Variants in PRKRIP1 observed in about 807,000 individuals in gnomAD.
PRKRIP1 encodes PRKR-interacting protein 1.
A neutral mutation model predicts 29.3 loss-of-function variants in PRKRIP1; 29 were observed. The observed-to-expected ratio is 0.99, with a 90% CI of 0.74 to 1.35. The LOEUF (loss-of-function observed/expected upper bound fraction) is 1.35, where lower values mean the gene tolerates loss of function less well. Among genes scored for constraint, PRKRIP1 ranks in the 40% most tolerant of loss-of-function variants. The pLI is 0.00. For synonymous variants in PRKRIP1, 90 were observed against 85.1 expected (o/e 1.06, Z -0.32); for missense variants, 247 against 236.8 (o/e 1.04, Z -0.28).
chr7:102,417,238 T>C (rs1796577934), intron 5 of PRKRIP1, among the ~76,000 whole-genome samples: 1 of 152,070 alleles, frequency 6.6e-6, no homozygotes, highest in Non-Finnish European at 1.5e-5. Context: ...CTTGATCACA[T>C]GGCTGAGGTA....
Position 102,404,631 on chromosome 7 carries a change from G to A in PRKRIP1, c.340G>A (p.Glu114Lys), listed in dbSNP as rs79339832. Reference protein sequence around the residue: ...KLDAEFQKRLEKNKIAAEEQT... With the variant: ...KLDAEFQKRLKKNKIAAEEQT... ...GGATGCAGAGTTTCAGAAAAGACTG[G>A]AAAAGAATAAAATTGCTGCAGAGGA... is the stretch of plus-strand genomic sequence containing the variant. Residue 114 changes from glutamate to lysine, a missense_variant, in exon 4 of 6, where the codon GAA (glutamate) becomes AAA (lysine). Physicochemically the swap from Glu to Lys is moderately conservative, Grantham distance 56 (BLOSUM62 1). Transcript: ENST00000397912. 2.1e-3 allele frequency: 3,451 copies of A among 1,613,902 alleles called. 80 individuals are homozygous for A. In the African/African-American group the frequency reaches 0.042, roughly 20 times the overall value.
intron 3 of PRKRIP1, among the ~76,000 whole-genome samples, chr7:102,402,159 C>T (rs1796090686): frequency 6.6e-6 from 1 of 152,094 alleles, no homozygotes; most frequent in African/African-American, 2.4e-5. Flanking sequence ...TAGAAACCAT[C>T]AAGCTGGGTG....
chr7:102,404,649 G>T lies in PRKRIP1; in HGVS notation c.358G>T (p.Ala120Ser), dbSNP rs782548009. ...QKRLEKNKIAAEEQTAKRRKK... is the reference protein window; with the variant it reads ...QKRLEKNKIASEEQTAKRRKK... ...AAGACTGGAAAAGAATAAAATTGCT[G>T]CAGAGGAGCAGACCGCAAAGCGCCG... is the stretch of plus-strand genomic sequence containing the variant. Residue 120 changes from alanine (A) to serine (S), a missense_variant, in exon 4 of 6, where the codon GCA becomes TCA. By Grantham distance (99) the Ala-to-Ser change is moderately conservative. Around this residue, in one of 3 missense-constraint regions of PRKRIP1, gnomAD observed 134 missense variants for 126.6 expected, o/e 1.06. Transcript: ENST00000397912. 6.2e-7 allele frequency: 1 copy of T among 1,613,892 alleles called. No individual in the cohort carries two copies. The highest frequency in any genetic ancestry group is 8.5e-7 in the Non-Finnish European group (1 of 1,179,882).
At chr7:102,401,089 G>A (rs559876607) in intron 3 of PRKRIP1, among the ~76,000 whole-genome samples, 140 of 152,300 alleles carry the variant, frequency 9.2e-4, no homozygotes, top group Non-Finnish European at 1.7e-3. Flanking sequence ...TGATGAATTA[G>A]TGGAGGAATA....
intron 5 of PRKRIP1, among the ~76,000 whole-genome samples, chr7:102,416,442 A>G (rs1796551121): frequency 6.6e-6 from 1 of 152,150 alleles, no homozygotes; most frequent in Non-Finnish European, 1.5e-5. Context: ...AATCCAATCC[A>G]GGGCACCGCG....
At chr7:102,407,766 T>C (rs1796272184) in intron 5 of PRKRIP1, among the ~76,000 whole-genome samples, 1 of 152,144 alleles carries the variant, frequency 6.6e-6, no homozygotes, top group Non-Finnish European at 1.5e-5. Flanking sequence ...ACATTATTGG[T>C]TATTGACATC....
rs116193108 is a variant in PRKRIP1 at position 102,419,733 on chromosome 7, G to A, written c.458-5281G>A. On this transcript the variant is annotated intron_variant, in intron 5 of 5. Coordinates refer to ENST00000397912, the MANE Select transcript of PRKRIP1 (RefSeq NM_024653.4). ...TCCTTTTGCCAAGTAGTTTTCCACC[G>A]TCAAGATAGACCACCGTTTACCCAC... is the stretch of plus-strand genomic sequence containing the variant. Among the ~76,000 whole-genome samples, 758 of 152,198 alleles carry A rather than the reference G, an allele frequency of 5.0e-3. 7 individuals carry two copies. Among genetic ancestry groups the A allele is most frequent in the African/African-American group, 0.014 (574 of 41,512 alleles).
At chr7:102,400,015 A>C (rs10250686) in intron 3 of PRKRIP1, among the ~76,000 whole-genome samples, 1 of 151,262 alleles carries the variant, frequency 6.6e-6, no homozygotes, top group African/African-American at 2.4e-5. Context: ...AAAAAAAAAA[A>C]AGAGAGAAAA....
At chr7:102,415,552 A>T (rs1427365648) in intron 5 of PRKRIP1, among the ~76,000 whole-genome samples, 1 of 152,194 alleles carries the variant, frequency 6.6e-6, no homozygotes, top group African/African-American at 2.4e-5. Context: ...CTATTTTATA[A>T]AATGTACATT....
intron 2 of PRKRIP1, 92 bp from the exon 3 acceptor site, chr7:102,399,449 CACGACTT>C: frequency 1.1e-6 from 1 of 916,458 alleles, no homozygotes; most frequent in Non-Finnish European, 1.8e-6. Context: ...TGGTCCCTTC[CACGACTT>C]CCACTTTTTG....
chr7:102,414,072 C>T (rs1796468485), intron 5 of PRKRIP1, among the ~76,000 whole-genome samples: 1 of 152,030 alleles, frequency 6.6e-6, no homozygotes, highest in Admixed American at 6.6e-5. Flanking sequence ...TACTAAAATA[C>T]AAAAATAAGC....
At chr7:102,406,414 G>A (rs191251116) in intron 4 of PRKRIP1, among the ~76,000 whole-genome samples, 2 of 152,252 alleles carry the variant, frequency 1.3e-5, no homozygotes, top group Admixed American at 6.5e-5. Flanking sequence ...GTTCATTGTT[G>A]TTGCGTAGAG....
At chr7:102,412,898 A>G (rs1435865083) in intron 5 of PRKRIP1, among the ~76,000 whole-genome samples, 1 of 152,212 alleles carries the variant, frequency 6.6e-6, no homozygotes, top group African/African-American at 2.4e-5. Context: ...AAATGACAGC[A>G]TAGGATGACA....
chr7:102,403,806 T>TGTGTGG (rs1324109882), intron 3 of PRKRIP1, among the ~76,000 whole-genome samples: 1 of 152,076 alleles, frequency 6.6e-6, no homozygotes, highest in Non-Finnish European at 1.5e-5. Context: ...TACAAATATC[T>TGTGTGG]GTGTGGGTGT....
chr7:102,420,392 T>C (rs1796664354), intron 5 of PRKRIP1, among the ~76,000 whole-genome samples: 1 of 152,230 alleles, frequency 6.6e-6, no homozygotes, highest in African/African-American at 2.4e-5. Flanking sequence ...CTTGGTATTG[T>C]CCGTTTTTTG....
chr7:102,410,917 G>T (rs1189242555), intron 5 of PRKRIP1, among the ~76,000 whole-genome samples: 6 of 152,054 alleles, frequency 3.9e-5, no homozygotes, highest in Non-Finnish European at 8.8e-5. Flanking sequence ...CATTTAATTT[G>T]TTTTTTGTTT....
intron 5 of PRKRIP1, among the ~76,000 whole-genome samples, chr7:102,423,967 G>A (rs150521899): frequency 3.3e-5 from 5 of 152,356 alleles, no homozygotes; most frequent in East Asian, 1.9e-4. Context: ...CGGCTTCCCC[G>A]TTTGAACTTT....
intron 1 of PRKRIP1, 82 bp from the exon 2 acceptor site, chr7:102,397,538 C>A: frequency 8.8e-7 from 1 of 1,131,766 alleles, no homozygotes; most frequent in Admixed American, 1.8e-5. Context: ...AGAGCAAGAA[C>A]CTGTCTCTAA....
chr7:102,422,340 AT>A lies in PRKRIP1; in HGVS notation c.458-2662del, dbSNP rs1196765456. Among the ~76,000 whole-genome samples the A allele has an allele frequency of 5.5e-3, 788 of 143,878 alleles. 6 individuals carry two copies. The highest frequency in any genetic ancestry group is 0.015 in the African/African-American group (574 of 39,434). The allele number at this position is 143,878 out of a possible 152,430, so 94.4% of individuals were successfully genotyped here. On this transcript the variant is annotated intron_variant, in intron 5 of 5. Coordinates refer to ENST00000397912, the MANE Select transcript of PRKRIP1 (RefSeq NM_024653.4). ...AGGCGTGAGCCACCATGCCTGGCTA[AT>A]TTTTTTTTTTTCTGAGACAGAGTTT...
Sources: allele counts gnomAD v4.1 joint callset (sites outside exome capture counted in the v4.1 genomes callset), GRCh38; gene constraint gnomAD v4.1.1; regional missense constraint gnomAD v4.1.1; transcripts MANE v1.5; gene names NCBI Gene and HGNC (gene_info 2026-07-23, HGNC 2026-07-21).